TMEM196: variants seen among roughly 807,000 people sequenced by gnomAD.
The protein encoded by TMEM196 is transmembrane protein 196.
A neutral mutation model predicts 20.0 loss-of-function variants in TMEM196; 17 were observed. That is an observed-to-expected ratio of 0.85 (90% CI 0.58 to 1.27). The LOEUF (loss-of-function observed/expected upper bound fraction) is 1.27, where lower values mean the gene tolerates loss of function less well. TMEM196 is among the 50% of genes most tolerant of loss of function. The pLI, the probability that TMEM196 is intolerant of heterozygous loss-of-function variation, is 0.00. For missense variants in TMEM196, 267 were observed against 223.0 expected (o/e 1.20, Z -1.26); for synonymous variants, 113 against 88.9 (o/e 1.27, Z -1.52).
intron 1 of TMEM196, among the ~76,000 whole-genome samples, chr7:19,734,486 T>C (rs1005022821): frequency 2.6e-5 from 4 of 152,198 alleles, no homozygotes; most frequent in Non-Finnish European, 5.9e-5. Context: ...TTATTGCAGA[T>C]TATCCAGGGA....
At chr7:19,736,810 G>A (rs779558992) in intron 1 of TMEM196, among the ~76,000 whole-genome samples, 5 of 151,786 alleles carry the variant, frequency 3.3e-5, no homozygotes, top group Non-Finnish European at 5.9e-5. Flanking sequence ...AGAGTTGTTT[G>A]GTTTGTAATA....
intron 1 of TMEM196, among the ~76,000 whole-genome samples, chr7:19,732,456 G>A (rs759938104): frequency 6.6e-5 from 10 of 151,658 alleles, no homozygotes; most frequent in Non-Finnish European, 1.2e-4. Flanking sequence ...ACCTGTAGTC[G>A]CAGCTACTCT....
intron 1 of TMEM196, among the ~76,000 whole-genome samples, chr7:19,771,144 T>A (rs942657326): frequency 1.9e-4 from 29 of 152,310 alleles, no homozygotes; most frequent in Admixed American, 1.8e-3. Context: ...ACTCTCCAAA[T>A]AATTACTGCC....
chr7:19,744,928 G>A (rs1784700282), intron 1 of TMEM196, among the ~76,000 whole-genome samples: 1 of 151,966 alleles, frequency 6.6e-6, no homozygotes, highest in Non-Finnish European at 1.5e-5. Flanking sequence ...CAAATCAGTG[G>A]CAGAATTTTA....
intron 1 of TMEM196, among the ~76,000 whole-genome samples, chr7:19,767,480 T>A (rs941193861): frequency 6.6e-6 from 1 of 152,022 alleles, no homozygotes; most frequent in African/African-American, 2.4e-5. Flanking sequence ...TATGCAAAAA[T>A]TTGATGAAAA....
rs918645118 is a variant in TMEM196 at position 19,719,468 on chromosome 7, C to G, written c.*2660G>C. 2 of 151,944 alleles carry G rather than the reference C, an allele frequency of 1.3e-5. No individual in the cohort carries two copies. Among genetic ancestry groups the G allele is most frequent in the East Asian group, 3.9e-4 (2 of 5,192 alleles). The allele number at this position is 151,944 out of a possible 1,614,324, so 9.4% of individuals were successfully genotyped here. A position where few individuals can be genotyped will look rare whatever the true frequency, so the allele number is the denominator to read the frequency against. On this transcript the variant is annotated 3_prime_UTR_variant, in exon 5 of 5. Coordinates refer to ENST00000405844, the MANE Select transcript of TMEM196 (RefSeq NM_001363562.2). Reference sequence around the variant, plus strand: ...ACATATATGTTTAAAATTTCCAAAGCGAGCCCAATTTTATTCTTTTATGCT... The same window carrying G: ...ACATATATGTTTAAAATTTCCAAAGGGAGCCCAATTTTATTCTTTTATGCT...
At chr7:19,743,069 T>G (rs1300518849) in intron 1 of TMEM196, among the ~76,000 whole-genome samples, 2 of 152,174 alleles carry the variant, frequency 1.3e-5, no homozygotes, top group Non-Finnish European at 2.9e-5. Context: ...TGACCTTTTA[T>G]GCCTTTGCAT....
At chr7:19,729,256 G>GTTTTT (rs11401553) in intron 2 of TMEM196, 126 bp downstream of exon 2, 47 of 435,006 alleles carry the variant, frequency 1.1e-4, no homozygotes, top group Middle Eastern at 1.2e-3. Flanking sequence ...TTATTTGTCA[G>GTTTTT]TTTTTTTTTT....
intron 1 of TMEM196, among the ~76,000 whole-genome samples, chr7:19,749,822 G>A (rs757386125): frequency 6.6e-5 from 10 of 152,102 alleles, no homozygotes; most frequent in Non-Finnish European, 1.2e-4. Flanking sequence ...AGCTCAGCCC[G>A]CTGCAGTGGA....
chr7:19,743,446 T>C (rs1784644757), intron 1 of TMEM196, among the ~76,000 whole-genome samples: 1 of 152,204 alleles, frequency 6.6e-6, no homozygotes, highest in Non-Finnish European at 1.5e-5. Flanking sequence ...GTCAGTATTA[T>C]AGTCTATATT....
intron 1 of TMEM196, among the ~76,000 whole-genome samples, chr7:19,771,927 A>G (rs1185468997): frequency 6.6e-6 from 1 of 152,226 alleles, no homozygotes; most frequent in Admixed American, 6.5e-5. Flanking sequence ...AACTTACAAA[A>G]GCGTTTTCAG....
intron 1 of TMEM196, among the ~76,000 whole-genome samples, chr7:19,749,295 A>G (rs1274710158): frequency 6.6e-6 from 1 of 152,232 alleles, no homozygotes; most frequent in Non-Finnish European, 1.5e-5. Flanking sequence ...GAGCCAATCA[A>G]AATATTTCCC....
intron 1 of TMEM196, among the ~76,000 whole-genome samples, chr7:19,749,089 AC>A (rs1784866182): frequency 6.6e-6 from 1 of 152,208 alleles, no homozygotes; most frequent in South Asian, 2.1e-4. Flanking sequence ...CCAATTTTCT[AC>A]AGTAAACTTG....
intron 1 of TMEM196, among the ~76,000 whole-genome samples, chr7:19,730,110 G>C (rs1403621967): frequency 1.3e-5 from 2 of 152,028 alleles, no homozygotes; most frequent in Non-Finnish European, 2.9e-5. Context: ...CAAAAAATTA[G>C]CCGGGCGTGG....
At chr7:19,756,282 G>A (rs1284545650) in intron 1 of TMEM196, among the ~76,000 whole-genome samples, 2 of 151,366 alleles carry the variant, frequency 1.3e-5, no homozygotes, top group African/African-American at 4.9e-5. Context: ...AAAACGACTT[G>A]AGACATTTTA....
At chr7:19,728,312 G>T (rs1308231421) in intron 2 of TMEM196, among the ~76,000 whole-genome samples, 1 of 152,034 alleles carries the variant, frequency 6.6e-6, no homozygotes, top group Non-Finnish European at 1.5e-5. Flanking sequence ...TAGAGGAAGG[G>T]CATAAGGAGA....
intron 1 of TMEM196, among the ~76,000 whole-genome samples, chr7:19,769,486 A>G (rs1004682013): frequency 1.3e-5 from 2 of 151,992 alleles, no homozygotes; most frequent in East Asian, 3.9e-4. Flanking sequence ...CCACAACCCA[A>G]CCTGTCCCAG....
chr7:19,768,281 C>T (rs1436169017), intron 1 of TMEM196, among the ~76,000 whole-genome samples: 5 of 151,968 alleles, frequency 3.3e-5, no homozygotes, highest in Non-Finnish European at 7.4e-5. Flanking sequence ...TTAAGTTTTA[C>T]AGGATATTAT....
chr7:19,766,816 T>C (rs887360647), intron 1 of TMEM196, among the ~76,000 whole-genome samples: 3 of 152,090 alleles, frequency 2.0e-5, no homozygotes, highest in African/African-American at 7.2e-5. Flanking sequence ...ATATGATTAA[T>C]TGTTGCATGA....
Sources: allele counts gnomAD v4.1 joint callset (sites outside exome capture counted in the v4.1 genomes callset), GRCh38; gene constraint gnomAD v4.1.1; transcripts MANE v1.5; gene names NCBI Gene and HGNC (gene_info 2026-07-23, HGNC 2026-07-21).